Variants in MND1 observed in about 807,000 individuals in gnomAD.
The protein encoded by MND1 is meiotic nuclear divisions 1.
Under a neutral mutation model 35.1 loss-of-function variants are expected in MND1, and 28 were observed. That is an observed-to-expected ratio of 0.80 (90% CI 0.59 to 1.09). MND1 has a LOEUF of 1.09. Ranked by LOEUF, MND1 falls within the 50% of genes least tolerant of loss-of-function variation. The pLI is 0.00. For synonymous variants in MND1, 69 were observed against 70.5 expected (o/e 0.98, Z 0.11); for missense variants, 213 against 239.6 (o/e 0.89, Z 0.73).
chr4:153,345,425 G>T (rs901367953), intron 1 of MND1: 1 of 985,534 alleles, frequency 1.0e-6, no homozygotes, highest in South Asian at 4.7e-5. Flanking sequence ...GGTGCTGCTG[G>T]TTGTGTAGGG....
intron 4 of MND1, among the ~76,000 whole-genome samples, chr4:153,387,174 G>GT (rs1309161555): frequency 5.3e-5 from 8 of 151,832 alleles, no homozygotes; most frequent in African/African-American, 1.2e-4. Context: ...TTTGTTTGTT[G>GT]TTTTTTTGGT....
At chr4:153,407,366 G>A (rs1340549771) in intron 6 of MND1, among the ~76,000 whole-genome samples, 1 of 152,160 alleles carries the variant, frequency 6.6e-6, no homozygotes, top group Non-Finnish European at 1.5e-5. Context: ...AGGAGGCTGA[G>A]GCAGGAGAAT....
chr4:153,365,687 A>G (rs1313965375), intron 4 of MND1, among the ~76,000 whole-genome samples: 1 of 151,878 alleles, frequency 6.6e-6, no homozygotes, highest in East Asian at 1.9e-4. Flanking sequence ...GCAGCCTTCA[A>G]CTCCTGGGCT....
intron 4 of MND1, among the ~76,000 whole-genome samples, chr4:153,387,837 C>T (rs1355041767): frequency 6.8e-6 from 1 of 147,974 alleles, no homozygotes; most frequent in Non-Finnish European, 1.5e-5. Flanking sequence ...GAAATATAAC[C>T]TTTTTTTTTT....
intron 5 of MND1, among the ~76,000 whole-genome samples, chr4:153,395,987 G>A (rs145214185): frequency 2.0e-5 from 3 of 152,184 alleles, no homozygotes; most frequent in South Asian, 4.1e-4. Flanking sequence ...AACCTCCTGA[G>A]TAGCTGGTAC....
At position 153,380,936 on chromosome 4, in the gene MND1, G is replaced by C. The variant is rs989078493; in HGVS notation, c.277-13326G>C. Among the ~76,000 whole-genome samples, 3 of 151,376 alleles carry C rather than the reference G, an allele frequency of 2.0e-5. No individual in the cohort carries two copies. The South Asian group carries it at 6.3e-4, about 32-fold the overall frequency. ...TTTTTTTAAGGCAGACTGTCGCTCTGTTGCCCAGGCTGGAGTACAGTGGTG... is the reference window on the plus strand; with the variant it reads ...TTTTTTTAAGGCAGACTGTCGCTCTCTTGCCCAGGCTGGAGTACAGTGGTG... On this transcript the variant is annotated intron_variant, in intron 4 of 7. Transcript: ENST00000240488.
At chr4:153,379,971 A>G (rs578015490) in intron 4 of MND1, among the ~76,000 whole-genome samples, 3 of 128,140 alleles carry the variant, frequency 2.3e-5, no homozygotes, top group Admixed American at 2.3e-4. Flanking sequence ...ACAGTGATCT[A>G]TGATTGTTCC....
intron 4 of MND1, among the ~76,000 whole-genome samples, chr4:153,393,346 G>C (rs1440168526): frequency 6.7e-6 from 1 of 150,202 alleles, no homozygotes; most frequent in Non-Finnish European, 1.5e-5. Flanking sequence ...GATTTTTTTG[G>C]ATTTTCAAAT....
At chr4:153,378,180 T>C (rs1288940531) in intron 4 of MND1, among the ~76,000 whole-genome samples, 1 of 152,212 alleles carries the variant, frequency 6.6e-6, no homozygotes, top group Non-Finnish European at 1.5e-5. Flanking sequence ...CCAGTAGTCT[T>C]ACTCCCTGGC....
In MND1 at chr4:153,364,887, G is replaced by A. The variant is rs139338455; in HGVS notation, c.276+6265G>A. Among the ~76,000 whole-genome samples the A allele has an allele frequency of 4.7e-3, 712 of 152,148 alleles. 8 individuals are homozygous for A. Among genetic ancestry groups the A allele is most frequent in the African/African-American group, 0.016 (667 of 41,512 alleles). ...CCACCACAAGGAATGAAATTCTGAC[G>A]AATGCTACAAAATGGATGAACCTTG... is the stretch of plus-strand genomic sequence containing the variant. On this transcript the variant is annotated intron_variant, in intron 4 of 7. Coordinates refer to ENST00000240488, the MANE Select transcript of MND1 (RefSeq NM_032117.4).
intron 6 of MND1, among the ~76,000 whole-genome samples, chr4:153,404,308 A>G (rs1396013516): frequency 1.4e-5 from 2 of 147,582 alleles, no homozygotes; most frequent in Admixed American, 6.8e-5. Context: ...CAGCCTCCTA[A>G]GTAGCTGAGA....
chr4:153,370,045 G>T (rs754959482), intron 4 of MND1, among the ~76,000 whole-genome samples: 2 of 152,004 alleles, frequency 1.3e-5, no homozygotes, highest in Non-Finnish European at 2.9e-5. Flanking sequence ...ACTTCGGGAG[G>T]CTGAGGCAGG....
At chr4:153,353,814 G>A (rs1468038650) in intron 2 of MND1, among the ~76,000 whole-genome samples, 2 of 152,138 alleles carry the variant, frequency 1.3e-5, no homozygotes, top group African/African-American at 4.8e-5. Flanking sequence ...CCACCTCCCA[G>A]GTTCAAGCGA....
intron 6 of MND1, among the ~76,000 whole-genome samples, chr4:153,404,302 C>T (rs1404112436): frequency 6.7e-6 from 1 of 149,314 alleles, no homozygotes; most frequent in Non-Finnish European, 1.5e-5. Flanking sequence ...CTGCCTCAGC[C>T]TCCTAAGTAG....
rs369694549 is a variant in MND1, at chr4:153,406,038, G to A, written c.467-2933G>A. On this transcript the variant is annotated intron_variant, in intron 6 of 7. Coordinates refer to ENST00000240488, the MANE Select transcript of MND1 (RefSeq NM_032117.4). ...CAGGATGGTCTTGATCTGACCTCGT[G>A]ATCTGCCCGTCTCGGCCTCCCAAAG... is the stretch of plus-strand genomic sequence containing the variant. Among the ~76,000 whole-genome samples the A allele has an allele frequency of 6.8e-4, 104 of 152,106 alleles. 1 individual carries two copies. In the South Asian group the frequency reaches 0.021, roughly 30 times the overall value.
Position 153,408,228 on chromosome 4 carries a change from C to T in MND1, c.467-743C>T, listed in dbSNP as rs1416284981. ...GAGGCTGCAGTGAGCTATGATCACA[C>T]CATGGTACTCCAGCTTGGGAGACAG... On this transcript the variant is annotated intron_variant, in intron 6 of 7. Coordinates refer to ENST00000240488, the MANE Select transcript of MND1 (RefSeq NM_032117.4). 2.0e-5 allele frequency among the ~76,000 whole-genome samples: 3 copies of T among 152,138 alleles called. 1 individual carries two copies. The highest frequency in any genetic ancestry group is 4.4e-5 in the Non-Finnish European group (3 of 68,030).
chr4:153,409,853 C>G (rs557356854), intron 7 of MND1, among the ~76,000 whole-genome samples: 2 of 151,884 alleles, frequency 1.3e-5, no homozygotes, highest in Admixed American at 1.3e-4. Context: ...GAGGGTGAAA[C>G]AGCAAACTGA....
intron 1 of MND1, among the ~76,000 whole-genome samples, chr4:153,346,922 G>A (rs891461851): frequency 2.6e-5 from 4 of 152,146 alleles, no homozygotes; most frequent in African/African-American, 7.2e-5. Context: ...GCCCCGCAGC[G>A]CCCTTGACAT....
chr4:153,411,831 C>G (rs534757761), intron 7 of MND1, among the ~76,000 whole-genome samples: 1 of 152,266 alleles, frequency 6.6e-6, no homozygotes, highest in South Asian at 2.1e-4. Flanking sequence ...CTCTGAGACA[C>G]CTATCACTTT....
Sources: gnomAD v4.1 joint callset for allele counts (sites outside exome capture counted in the v4.1 genomes callset) on GRCh38, gnomAD v4.1.1 for gene constraint, MANE v1.5 for transcripts, NCBI Gene and HGNC (gene_info 2026-07-23, HGNC 2026-07-21) for gene names.